LHPP: variants seen among roughly 807,000 people sequenced by gnomAD.
The protein encoded by LHPP is phospholysine phosphohistidine inorganic pyrophosphate phosphatase.
A neutral mutation model predicts 30.3 loss-of-function variants in LHPP; 24 were observed. That is an observed-to-expected ratio of 0.79 (90% CI 0.57 to 1.11). The LOEUF (loss-of-function observed/expected upper bound fraction) is 1.11. Among genes scored for constraint, LHPP ranks in the 50% most tolerant of loss-of-function variants. The probability of loss-of-function intolerance (pLI) is 0.00; values close to 1 mark genes in which losing one functional copy is unlikely to be tolerated. For missense variants in LHPP, 356 were observed against 367.2 expected, an observed-to-expected ratio of 0.97 and a Z score of 0.25; for synonymous variants, 150 against 157.1, an observed-to-expected ratio of 0.95 and a Z score of 0.34.
chr10:124,606,885 C>T (rs1163125636), intron 6 of LHPP, among the ~76,000 whole-genome samples: 1 of 152,252 alleles, frequency 6.6e-6, no homozygotes, highest in South Asian at 2.1e-4. Context: ...CAGGCCCCTG[C>T]CCCTGTTCCT....
At chr10:124,472,507 T>C (rs1379642343) in intron 1 of LHPP, among the ~76,000 whole-genome samples, 2 of 152,122 alleles carry the variant, frequency 1.3e-5, no homozygotes, top group African/African-American at 4.8e-5. Flanking sequence ...TTATATGATA[T>C]GAGTGCTGTA....
chr10:124,507,329 G>T (rs1237447836), intron 5 of LHPP, among the ~76,000 whole-genome samples: 7 of 77,932 alleles, frequency 9.0e-5, no homozygotes, highest in Admixed American at 1.1e-4. Flanking sequence ...GATTTCAGGT[G>T]GGGGGGTAGG....
Position 124,584,446 on chromosome 10 carries a change from T to C in LHPP, c.717-28818T>C, listed in dbSNP as rs377346491. ...GGGAATTCCAATATCAAGGCACTGG[T>C]AGGTTGGTGTCTGGTGAGTGCTACT... On this transcript the variant is annotated intron_variant, in intron 6 of 6. Coordinates refer to ENST00000368842, the MANE Select transcript of LHPP (RefSeq NM_022126.4). Among the ~76,000 whole-genome samples the C allele has an allele frequency of 2.6e-5, 4 of 151,884 alleles. No homozygotes were observed. In the East Asian group the frequency reaches 7.7e-4, roughly 29 times the overall value.
chr10:124,554,113 T>C, intron 6 of LHPP: 1 of 975,282 alleles, frequency 1.0e-6, no homozygotes, highest in Non-Finnish European at 1.2e-6. Flanking sequence ...CTCTGACATT[T>C]ACAGCTGGGA....
chr10:124,473,257 C>T (rs1952843692), intron 1 of LHPP, among the ~76,000 whole-genome samples: 1 of 152,198 alleles, frequency 6.6e-6, no homozygotes, highest in South Asian at 2.1e-4. Context: ...ATTGGCAAAG[C>T]AGTGCCACAC....
chr10:124,551,396 AC>A (rs1302592006), intron 6 of LHPP, among the ~76,000 whole-genome samples: 1 of 151,776 alleles, frequency 6.6e-6, no homozygotes, highest in Admixed American at 6.6e-5. Context: ...CCTCACACTG[AC>A]CCCAGCACCC....
chr10:124,517,296 T>C lies in LHPP; in HGVS notation c.716+25T>C, dbSNP rs1484726945. 6.9e-7 allele frequency: 1 copy of C among 1,441,082 alleles called. No homozygotes were observed. 89.3% of individuals were successfully genotyped at this position (1,441,082 alleles called of 1,614,324 possible). A position where few individuals can be genotyped will look rare whatever the true frequency, so the allele number is the denominator to read the frequency against. ...GGTCAGTGCCAGCTGGAGTCATTTA[T>C]TCACCTTCCTTCCAGGGGATGACCA... On this transcript the variant is annotated intron_variant, in intron 6 of 6. Transcript: ENST00000368842. This position sits in a 1 kb window ranked among gnomAD's most constrained non-coding sequence, Gnocchi z 4.1.
At chr10:124,571,405 G>C (rs1948582952) in intron 6 of LHPP, among the ~76,000 whole-genome samples, 2 of 152,210 alleles carry the variant, frequency 1.3e-5, no homozygotes, top group African/African-American at 4.8e-5. Context: ...AGACTGGATA[G>C]GAATATGTAA....
chr10:124,584,368 A>T (rs1276250442), intron 6 of LHPP, among the ~76,000 whole-genome samples: 1 of 151,642 alleles, frequency 6.6e-6, no homozygotes, highest in East Asian at 1.9e-4. Context: ...TGTCTCAAAA[A>T]AAAAAAAAAA....
intron 6 of LHPP, among the ~76,000 whole-genome samples, chr10:124,540,593 G>A (rs1260407145): frequency 1.3e-5 from 2 of 152,218 alleles, no homozygotes; most frequent in Non-Finnish European, 1.5e-5. Context: ...ATTTTTGCTG[G>A]GGATCCGGGG....
chr10:124,570,913 C>T (rs1442519754), intron 6 of LHPP, among the ~76,000 whole-genome samples: 1 of 152,194 alleles, frequency 6.6e-6, no homozygotes, highest in Non-Finnish European at 1.5e-5. Context: ...TTGGCTGCAT[C>T]CCAACCCAAA....
chr10:124,549,876 A>G (rs755088183), intron 6 of LHPP, among the ~76,000 whole-genome samples: 4 of 152,244 alleles, frequency 2.6e-5, no homozygotes, highest in Non-Finnish European at 5.9e-5. Flanking sequence ...TCATCTGTAA[A>G]TGGGGGTGGC....
intron 1 of LHPP, among the ~76,000 whole-genome samples, chr10:124,462,932 A>G (rs577277674): frequency 4.6e-5 from 7 of 152,286 alleles, no homozygotes; most frequent in Admixed American, 1.3e-4. Flanking sequence ...CAGTGGTGCA[A>G]TCTCTGCTGA....
chr10:124,550,579 G>A (rs77398886), intron 6 of LHPP, among the ~76,000 whole-genome samples: 7,637 of 152,304 alleles, frequency 0.05, 249 homozygotes, highest in Middle Eastern at 0.13. Context: ...GGGCAGAGGC[G>A]CAGTGTGTTT....
rs1478004380 is a variant in LHPP at position 124,491,283 on chromosome 10, A to G, written c.467+2708A>G. 2.6e-5 allele frequency among the ~76,000 whole-genome samples: 4 copies of G among 152,204 alleles called. No homozygotes were observed. The East Asian group carries it at 7.7e-4, about 29-fold the overall frequency. ...GGCGGTGGCGGAGGAAGTGTTTTCC[A>G]TCTTCGGTGCTTTCGTTGCTTCTGG... On this transcript the variant is annotated intron_variant, in intron 3 of 6. Coordinates refer to ENST00000368842, the MANE Select transcript of LHPP (RefSeq NM_022126.4).
rs917716773 is a variant in LHPP, at chr10:124,592,083, T to A, written c.717-21181T>A. On this transcript the variant is annotated intron_variant, in intron 6 of 6. Coordinates refer to ENST00000368842, the MANE Select transcript of LHPP (RefSeq NM_022126.4). This position sits in a 1 kb window ranked among gnomAD's most constrained non-coding sequence, Gnocchi z 6.2. ...TTAGTTAGGAAATCAAATATTGGGG[T>A]TGGGGAACAATAAGAGAAGGCAAGC... Among the ~76,000 whole-genome samples, 13 of 151,922 alleles carry A rather than the reference T, an allele frequency of 8.6e-5. No homozygotes were observed. Among genetic ancestry groups the A allele is most frequent in the African/African-American group, 2.9e-4 (12 of 41,324 alleles).
At chr10:124,482,161 G>A (rs1352467413) in intron 1 of LHPP, among the ~76,000 whole-genome samples, 1 of 152,230 alleles carries the variant, frequency 6.6e-6, no homozygotes, top group Non-Finnish European at 1.5e-5. Flanking sequence ...TTGATTTCAA[G>A]CCGTAGTTCT....
intron 6 of LHPP, among the ~76,000 whole-genome samples, chr10:124,524,843 A>T (rs1203039361): frequency 2.0e-5 from 3 of 152,282 alleles, no homozygotes; most frequent in South Asian, 2.1e-4. Flanking sequence ...TCAAAAAGAA[A>T]TTTTTTTAAA....
chr10:124,484,690 G>GAGAC (rs1318033248), intron 2 of LHPP, among the ~76,000 whole-genome samples: 1 of 151,826 alleles, frequency 6.6e-6, no homozygotes, highest in African/African-American at 2.4e-5. Flanking sequence ...GAGAGAGAGA[G>GAGAC]AGAGAGAAAA....
Sources: gnomAD v4.1 joint callset for allele counts (sites outside exome capture counted in the v4.1 genomes callset) on GRCh38, gnomAD v4.1.1 for gene constraint, Gnocchi (gnomAD v3.1) non-coding constraint, MANE v1.5 for transcripts, NCBI Gene and HGNC (gene_info 2026-07-23, HGNC 2026-07-21) for gene names.